The following PCDHGA9 variants were observed in gnomAD, a reference collection of about 807,000 sequenced individuals.
PCDHGA9 encodes protocadherin gamma-A9.
In PCDHGA9, 37 loss-of-function variants were observed where a neutral mutation model predicts 62.5. The ratio of observed to expected loss-of-function variants is 0.59; its 90% CI spans 0.46 to 0.78. PCDHGA9 has a LOEUF of 0.78. PCDHGA9 is among the 30% of genes least tolerant of loss of function. The probability of loss-of-function intolerance (pLI) is 0.00; values close to 1 mark genes in which losing one functional copy is unlikely to be tolerated. For synonymous variants in PCDHGA9, 459 were observed against 484.6 expected (o/e 0.95, Z 0.69); for missense variants, 1,138 against 1,166.2 (o/e 0.98, Z 0.35).
Position 141,404,163 on chromosome 5 carries a change from T to C in PCDHGA9, c.1211T>C (p.Leu404Ser), listed in dbSNP as rs372897104. The C allele has an allele frequency of 4.6e-5, 74 of 1,613,126 alleles. No homozygotes were observed. The South Asian group carries it at 7.9e-4, about 17-fold the overall frequency. ...LENSEEDYYR[L>S]LTAQILDREK... ...AATTCAGAAGAAGATTATTACAGATTGTTGACGGCCCAAATTCTTGACCGA... is the reference window on the plus strand; with the variant it reads ...AATTCAGAAGAAGATTATTACAGATCGTTGACGGCCCAAATTCTTGACCGA... The change falls in exon 1 of 4, where the codon TTG (leucine) becomes TCG (serine). Residue 404 changes from leucine (L) to serine (S), a missense_variant. Transcript: ENST00000573521.
intron 1 of PCDHGA9, chr5:141,409,266 A>G (rs1285539149): frequency 1.1e-5 from 17 of 1,613,922 alleles, no homozygotes; most frequent in Non-Finnish European, 1.4e-5. Flanking sequence ...CTCTCTGATC[A>G]GATTTTGGAG....
intron 1 of PCDHGA9, among the ~76,000 whole-genome samples, chr5:141,459,561 C>T (rs912894386): frequency 2.6e-5 from 4 of 151,954 alleles, no homozygotes; most frequent in African/African-American, 7.3e-5. Context: ...GGATAAATAC[C>T]CCAAAACAGA....
chr5:141,462,983 T>C (rs530985795), intron 1 of PCDHGA9, among the ~76,000 whole-genome samples: 278 of 152,304 alleles, frequency 1.8e-3, no homozygotes, highest in Non-Finnish European at 3.4e-3. Flanking sequence ...AACTTTTGCC[T>C]TGGGCTAATT....
At chr5:141,510,589 A>G (rs1043188276) in intron 3 of PCDHGA9, among the ~76,000 whole-genome samples, 2 of 152,194 alleles carry the variant, frequency 1.3e-5, no homozygotes, top group African/African-American at 2.4e-5. Context: ...CGTACCTGAC[A>G]TACATTTTCT....
chr5:141,481,900 C>T (rs949418188), intron 1 of PCDHGA9, among the ~76,000 whole-genome samples: 13 of 126,002 alleles, frequency 1.0e-4, no homozygotes, highest in African/African-American at 3.2e-4. Flanking sequence ...GGTGAAAGAG[C>T]GAAACTCCAT....
At position 141,403,225 on chromosome 5, in the gene PCDHGA9, C is replaced by T. The variant is rs2154532251; in HGVS notation, c.273C>T (p.Asp91=). 1.2e-6 allele frequency: 2 copies of T among 1,613,958 alleles called. No homozygotes were observed. Among genetic ancestry groups the T allele is most frequent in the Non-Finnish European group, 1.7e-6 (2 of 1,179,908 alleles). ...SGTLVTAGRI[D]REELCAQSPR... The stretch of plus-strand genomic sequence containing the variant: ...CCTTGGTCACCGCGGGTAGGATAGA[C>T]CGGGAGGAGCTCTGTGCTCAGAGCC... Residue 91 remains aspartate, a synonymous_variant, in exon 1 of 4, where the codon GAC becomes GAT. Coordinates refer to ENST00000573521, the MANE Select transcript of PCDHGA9 (RefSeq NM_018921.3).
intron 1 of PCDHGA9, among the ~76,000 whole-genome samples, chr5:141,435,245 G>A (rs577996994): frequency 6.6e-6 from 1 of 152,132 alleles, no homozygotes; most frequent in Admixed American, 6.5e-5. Context: ...ATTCTTTCTG[G>A]CCATTAGGGA....
At chr5:141,430,327 T>C (rs1250968800) in intron 1 of PCDHGA9, among the ~76,000 whole-genome samples, 7 of 152,042 alleles carry the variant, frequency 4.6e-5, no homozygotes, top group Non-Finnish European at 1.5e-5. Context: ...AAAATCATTG[T>C]TTATAGAAAC....
chr5:141,415,482 G>C, intron 1 of PCDHGA9: 1 of 1,614,218 alleles, frequency 6.2e-7, no homozygotes, highest in Non-Finnish European at 8.5e-7. Context: ...ACTCGCGAAA[G>C]AGTCACCTGA....
At chr5:141,439,523 T>A (rs2098118339) in intron 1 of PCDHGA9, among the ~76,000 whole-genome samples, 1 of 152,202 alleles carries the variant, frequency 6.6e-6, no homozygotes, top group African/African-American at 2.4e-5. Context: ...CAACTAACTC[T>A]ACAGAACGCT....
chr5:141,477,747 C>A lies in PCDHGA9; in HGVS notation c.2425-17060C>A. ...ACAGCTCATATCAGCGATGGGGGCA[C>A]CCCGGTCCTAGCCACCAACATCAGC... On this transcript the variant is annotated intron_variant, in intron 1 of 3. Coordinates refer to ENST00000573521, the MANE Select transcript of PCDHGA9 (RefSeq NM_018921.3). The surrounding 1 kb of genome is among the most constrained non-coding windows in gnomAD (Gnocchi z 4.9). 1.9e-6 allele frequency: 3 copies of A among 1,613,840 alleles called. No individual in the cohort carries two copies. The highest frequency in any genetic ancestry group is 2.5e-6 in the Non-Finnish European group (3 of 1,180,044).
intron 1 of PCDHGA9, chr5:141,413,978 T>C (rs2095697435): frequency 1.2e-6 from 2 of 1,613,414 alleles, no homozygotes; most frequent in Non-Finnish European, 8.5e-7. Flanking sequence ...CTGCTGACAG[T>C]CACAGCCACC....
In PCDHGA9 at chr5:141,404,435, A is replaced by G; in HGVS notation, c.1483A>G (p.Thr495Ala). 2 of 1,613,032 alleles carry G rather than the reference A, an allele frequency of 1.2e-6. No individual in the cohort carries two copies. The highest frequency in any genetic ancestry group is 2.2e-5 in the South Asian group (2 of 91,066). The change falls in exon 1 of 4, where the codon ACC (threonine) becomes GCC (alanine). Residue 495 changes from threonine (T) to alanine (A), a missense_variant. Physicochemically the swap from Thr to Ala is moderately conservative, Grantham distance 58 (BLOSUM62 0). Coordinates refer to ENST00000573521, the MANE Select transcript of PCDHGA9 (RefSeq NM_018921.3). ...SRVIYSLAED[T>A]IQGSPLSTYV... ...AGTTATTTACTCCTTGGCAGAGGAT[A>G]CCATCCAAGGGTCTCCTCTCTCCAC...
In PCDHGA9 at chr5:141,487,107, T is replaced by C. The variant is rs1193091014; in HGVS notation, c.2425-7700T>C. 6.2e-7 allele frequency: 1 copy of C among 1,613,926 alleles called. No individual in the cohort carries two copies. The highest frequency in any genetic ancestry group is 8.5e-7 in the Non-Finnish European group (1 of 1,179,782). On this transcript the variant is annotated intron_variant, in intron 1 of 3. Transcript: ENST00000573521. This position sits in a 1 kb window ranked among gnomAD's most constrained non-coding sequence, Gnocchi z 5.0. ...GACCTCCCACCACAGAAGCTGGTCA[T>C]TGTGGTAAAGGATAGTGGTAGTCCA...
At chr5:141,438,996 A>G (rs2098080427) in intron 1 of PCDHGA9, among the ~76,000 whole-genome samples, 1 of 151,634 alleles carries the variant, frequency 6.6e-6, no homozygotes, top group African/African-American at 2.4e-5. Flanking sequence ...AAGGCTAAGG[A>G]CCTGGTTTGT....
At chr5:141,426,814 T>C (rs2096962370) in intron 1 of PCDHGA9, 1 of 456,592 alleles carries the variant, frequency 2.2e-6, no homozygotes, top group Admixed American at 2.3e-5. Flanking sequence ...AATGAACATT[T>C]CTCTCTGATG....
intron 2 of PCDHGA9, among the ~76,000 whole-genome samples, chr5:141,503,851 A>C (rs1484022055): frequency 6.6e-6 from 1 of 152,116 alleles, no homozygotes; most frequent in Non-Finnish European, 1.5e-5. Context: ...CCTTGGAAAA[A>C]TTGTAAAGCA....
At chr5:141,409,680 C>G (rs756713114) in intron 1 of PCDHGA9, 1 of 1,613,360 alleles carries the variant, frequency 6.2e-7, no homozygotes, top group Non-Finnish European at 8.5e-7. Context: ...TCTATAGTGG[C>G]GAGTGACCTA....
chr5:141,415,627 A>T, intron 1 of PCDHGA9: 1 of 1,598,406 alleles, frequency 6.3e-7, no homozygotes, highest in Non-Finnish European at 8.5e-7. Context: ...TTTTATTTTC[A>T]TTTTTACTTT....
Sources: gnomAD v4.1 joint callset for allele counts (sites outside exome capture counted in the v4.1 genomes callset) on GRCh38, gnomAD v4.1.1 for gene constraint, Gnocchi (gnomAD v3.1) non-coding constraint, MANE v1.5 for transcripts, NCBI Gene and HGNC (gene_info 2026-07-23, HGNC 2026-07-21) for gene names.